Variants in ROR1 observed in about 807,000 individuals in gnomAD.
ROR1 encodes the protein ROR family WNT receptor 1.
Under a neutral mutation model 78.8 loss-of-function variants are expected in ROR1, and 19 were observed. That is an observed-to-expected ratio of 0.24 (90% CI 0.17 to 0.35). The LOEUF (loss-of-function observed/expected upper bound fraction) is 0.35, where lower values mean the gene tolerates loss of function less well. Ranked by LOEUF, ROR1 falls within the 10% of genes least tolerant of loss-of-function variation. The pLI is 1.00. For missense variants in ROR1, 917 were observed against 1,177.8 expected (o/e 0.78, Z 3.24); for synonymous variants, 386 against 433.6 (o/e 0.89, Z 1.36).
chr1:63,943,219 A>G (rs1324560157), intron 1 of ROR1, among the ~76,000 whole-genome samples: 1 of 152,048 alleles, frequency 6.6e-6, no homozygotes, highest in Non-Finnish European at 1.5e-5. Context: ...TATCTTTTCA[A>G]ACTTCAGACT....
At chr1:63,813,913 CA>C (rs1644874781) in intron 1 of ROR1, among the ~76,000 whole-genome samples, 4 of 152,230 alleles carry the variant, frequency 2.6e-5, no homozygotes, top group Admixed American at 2.6e-4. Context: ...CTTAGCTTTT[CA>C]GTGAAACTTT....
intron 4 of ROR1, among the ~76,000 whole-genome samples, chr1:64,086,067 C>T (rs997437150): frequency 2.6e-5 from 4 of 152,172 alleles, no homozygotes; most frequent in Non-Finnish European, 4.4e-5. Flanking sequence ...TTGCTCCTTT[C>T]CACCTGTCCA....
intron 7 of ROR1, among the ~76,000 whole-genome samples, chr1:64,158,535 A>G (rs1263498955): frequency 6.6e-6 from 1 of 152,212 alleles, no homozygotes; most frequent in African/African-American, 2.4e-5. Flanking sequence ...CAAACCAGCC[A>G]AGACAAGGTC....
At chr1:63,957,725 C>A (rs767568522) in intron 1 of ROR1, among the ~76,000 whole-genome samples, 8 of 151,636 alleles carry the variant, frequency 5.3e-5, no homozygotes, top group Non-Finnish European at 8.8e-5. Context: ...AATTGATAAC[C>A]CTTTTTTTGT....
At chr1:63,987,669 A>G (rs911084331) in intron 1 of ROR1, among the ~76,000 whole-genome samples, 2 of 152,204 alleles carry the variant, frequency 1.3e-5, no homozygotes, top group African/African-American at 4.8e-5. Flanking sequence ...AACGAGAACA[A>G]CATTCTCTTT....
At chr1:64,047,165 T>A (rs1328805844) in intron 2 of ROR1, among the ~76,000 whole-genome samples, 1 of 152,248 alleles carries the variant, frequency 6.6e-6, no homozygotes, top group African/African-American at 2.4e-5. Flanking sequence ...GTAATTAATG[T>A]GCCTTTCTTA....
chr1:64,145,790 C>A (rs185923057), intron 7 of ROR1, among the ~76,000 whole-genome samples: 1 of 152,176 alleles, frequency 6.6e-6, no homozygotes, highest in Admixed American at 6.5e-5. Flanking sequence ...TACTAAGCAC[C>A]TTCCACGCAC....
In ROR1 at chr1:63,943,695, G is replaced by C. The variant is rs1305878017; in HGVS notation, c.92-65610G>C. 3.3e-5 allele frequency among the ~76,000 whole-genome samples: 5 copies of C among 152,182 alleles called. No homozygotes were observed. In the East Asian group the frequency reaches 9.6e-4, roughly 29 times the overall value. Reference sequence around the variant, plus strand: ...TGGTCACATTTGCAGAGAGAACCTTGACTTTGTCATTTGATTATAGGTAGA... The same window carrying C: ...TGGTCACATTTGCAGAGAGAACCTTCACTTTGTCATTTGATTATAGGTAGA... On this transcript the variant is annotated intron_variant, in intron 1 of 8. Coordinates refer to ENST00000371079, the MANE Select transcript of ROR1 (RefSeq NM_005012.4).
At chr1:64,044,881 C>G (rs1207947894) in intron 2 of ROR1, among the ~76,000 whole-genome samples, 1 of 152,170 alleles carries the variant, frequency 6.6e-6, no homozygotes, top group Non-Finnish European at 1.5e-5. Flanking sequence ...CCAATCATAA[C>G]TGATGGCACT....
At chr1:64,091,846 C>T (rs1348323157) in intron 4 of ROR1, among the ~76,000 whole-genome samples, 1 of 152,152 alleles carries the variant, frequency 6.6e-6, no homozygotes, top group Non-Finnish European at 1.5e-5. Context: ...GATCATTCAC[C>T]TCCATATCCC....
intron 4 of ROR1, among the ~76,000 whole-genome samples, chr1:64,088,212 A>G (rs997837872): frequency 6.6e-6 from 1 of 152,204 alleles, no homozygotes; most frequent in Non-Finnish European, 1.5e-5. Flanking sequence ...GAATAATCCA[A>G]AAAGGAAGAT....
intron 2 of ROR1, among the ~76,000 whole-genome samples, chr1:64,018,182 C>T (rs184709012): frequency 1.4e-4 from 21 of 152,232 alleles, no homozygotes; most frequent in Non-Finnish European, 2.6e-4. Flanking sequence ...TTTGGTTAAC[C>T]TTATCTAAAG....
At chr1:64,084,780 G>A (rs1480753843) in intron 4 of ROR1, among the ~76,000 whole-genome samples, 1 of 152,198 alleles carries the variant, frequency 6.6e-6, no homozygotes, top group Non-Finnish European at 1.5e-5. Flanking sequence ...TTATTCTGCT[G>A]ACTTTGAAGT....
chr1:64,015,266 G>C (rs1646511405), intron 2 of ROR1, among the ~76,000 whole-genome samples: 1 of 152,178 alleles, frequency 6.6e-6, no homozygotes, highest in African/African-American at 2.4e-5. Context: ...TTCAAGATGA[G>C]ATTTGGGTTA....
chr1:63,967,909 A>T (rs1360073418), intron 1 of ROR1, among the ~76,000 whole-genome samples: 1 of 152,180 alleles, frequency 6.6e-6, no homozygotes, highest in Non-Finnish European at 1.5e-5. Context: ...TGTGAGGATG[A>T]AGTATAGTTT....
At chr1:63,776,227 G>T (rs1358323589) in intron 1 of ROR1, among the ~76,000 whole-genome samples, 3 of 152,160 alleles carry the variant, frequency 2.0e-5, no homozygotes, top group Admixed American at 1.3e-4. Context: ...GGGGGTGGGG[G>T]TCACTTACCT....
Position 63,863,815 on chromosome 1 carries a change from G to A in ROR1, c.91+89307G>A, listed in dbSNP as rs147400109. On this transcript the variant is annotated intron_variant, in intron 1 of 8. Coordinates refer to ENST00000371079, the MANE Select transcript of ROR1 (RefSeq NM_005012.4). ...TGTATTGTATTGTATCATAGATGGC[G>A]ATACTTGTTCAGTTAACCAAATGGT... Among the ~76,000 whole-genome samples, 725 of 145,648 alleles carry A rather than the reference G, an allele frequency of 5.0e-3. 4 individuals carry two copies. Among genetic ancestry groups the A allele is most frequent in the Middle Eastern group, 0.01 (3 of 286 alleles).
At chr1:63,823,791 C>T (rs1242802440) in intron 1 of ROR1, among the ~76,000 whole-genome samples, 1 of 151,048 alleles carries the variant, frequency 6.6e-6, no homozygotes, top group East Asian at 2.0e-4. Flanking sequence ...GACGAAGTCT[C>T]GATCTGTCGC....
At chr1:64,042,212 C>T (rs1646750779) in intron 2 of ROR1, among the ~76,000 whole-genome samples, 1 of 152,138 alleles carries the variant, frequency 6.6e-6, no homozygotes, top group Non-Finnish European at 1.5e-5. Context: ...TAAAAATGCT[C>T]ATGTCTGGAT....
Sources: gnomAD v4.1 joint callset for allele counts (sites outside exome capture counted in the v4.1 genomes callset) on GRCh38, gnomAD v4.1.1 for gene constraint, MANE v1.5 for transcripts, NCBI Gene and HGNC (gene_info 2026-07-23, HGNC 2026-07-21) for gene names.